The following MYO5B variants were observed in gnomAD, a reference collection of about 807,000 sequenced individuals.
MYO5B encodes unconventional myosin-Vb.
A neutral mutation model predicts 229.3 loss-of-function variants in MYO5B; 143 were observed. The observed-to-expected ratio is 0.62, with a 90% CI of 0.54 to 0.72. The LOEUF is 0.72. MYO5B is among the 30% of genes least tolerant of loss of function. The pLI is 0.00. For missense variants in MYO5B, 2,321 were observed against 2,331.0 expected (o/e 1.00, Z 0.09); for synonymous variants, 918 against 885.2 (o/e 1.04, Z -0.66).
intron 1 of MYO5B, among the ~76,000 whole-genome samples, chr18:50,177,512 C>T (rs1462007494): frequency 6.6e-6 from 1 of 152,244 alleles, no homozygotes; most frequent in African/African-American, 2.4e-5. Context: ...AACAAAACTT[C>T]AGCCCTATCC....
intron 12 of MYO5B, among the ~76,000 whole-genome samples, chr18:49,955,776 T>C (rs1163119173): frequency 1.3e-5 from 2 of 152,224 alleles, no homozygotes; most frequent in Admixed American, 6.5e-5. Flanking sequence ...TTTCCATATA[T>C]ACTGTTTTAT....
At chr18:49,977,260 G>A (rs561920549) in intron 9 of MYO5B, among the ~76,000 whole-genome samples, 78 of 152,264 alleles carry the variant, frequency 5.1e-4, no homozygotes, top group African/African-American at 1.8e-3. Context: ...ATTAAAAATA[G>A]CCAATATAAT....
intron 1 of MYO5B, among the ~76,000 whole-genome samples, chr18:50,112,392 AAAGCATCAAC>A (rs2031880942): frequency 6.6e-6 from 1 of 152,172 alleles, no homozygotes; most frequent in African/African-American, 2.4e-5. Flanking sequence ...TCAGAGCAGC[AAAGCATCAAC>A]ACCAAGACGT....
rs1427502326 is a variant in MYO5B at position 50,194,778 on chromosome 18, G to A, written c.16C>T (p.Leu6Phe). ...GCGGCCGCGCTCACCTGGCTGTAGA[G>A]CTCGCCCACCGACATGGCCCGGGCC... is the stretch of plus-strand genomic sequence containing the variant. Reference protein sequence around the residue: MSVGELYSQCTRVWIP... With the variant: MSVGEFYSQCTRVWIP... Residue 6 changes from leucine (L) to phenylalanine (F), a missense_variant, in exon 1 of 40, where the codon CTC becomes TTC. Transcript: ENST00000285039. The A allele has an allele frequency of 1.4e-5, 20 of 1,462,098 alleles. No homozygotes were observed. Among genetic ancestry groups the A allele is most frequent in the Admixed American group, 2.4e-5 (1 of 41,886 alleles). The allele number at this position is 1,462,098 out of a possible 1,614,324, so 90.6% of individuals were successfully genotyped here. A position where few individuals can be genotyped will look rare whatever the true frequency, so the allele number is the denominator to read the frequency against.
At chr18:50,096,730 A>T (rs1286010244) in intron 1 of MYO5B, among the ~76,000 whole-genome samples, 1 of 152,182 alleles carries the variant, frequency 6.6e-6, no homozygotes, top group Non-Finnish European at 1.5e-5. Flanking sequence ...ACTCTTAAAA[A>T]ATCATCATCA....
At chr18:49,939,148 C>CTTTTTTTT (rs11313115) in intron 14 of MYO5B, among the ~76,000 whole-genome samples, 4 of 119,042 alleles carry the variant, frequency 3.4e-5, no homozygotes, top group East Asian at 2.3e-4. Flanking sequence ...TCTTTTTTTT[C>CTTTTTTTT]TTTTTTTTTT....
chr18:50,068,017 G>A (rs559638711), intron 1 of MYO5B, among the ~76,000 whole-genome samples: 9 of 143,380 alleles, frequency 6.3e-5, no homozygotes, highest in African/African-American at 1.0e-4. Flanking sequence ...ATACACACAC[G>A]TACATACATA....
chr18:50,058,302 C>T (rs2030601765), intron 1 of MYO5B, among the ~76,000 whole-genome samples: 1 of 151,894 alleles, frequency 6.6e-6, no homozygotes. Context: ...CCTGTCTCTA[C>T]AAAACTTAAA....
At chr18:50,022,101 C>A (rs1434474850) in intron 4 of MYO5B, among the ~76,000 whole-genome samples, 3 of 151,550 alleles carry the variant, frequency 2.0e-5, no homozygotes, top group Non-Finnish European at 4.4e-5. Flanking sequence ...TCCCTCCCCA[C>A]CATTTTTTTC....
chr18:49,933,986 C>T (rs551616855), intron 16 of MYO5B, among the ~76,000 whole-genome samples: 1 of 152,256 alleles, frequency 6.6e-6, no homozygotes, highest in Admixed American at 6.5e-5. Flanking sequence ...AGCAATTCTC[C>T]CACCTCAGCC....
chr18:49,868,135 T>C (rs75763253), intron 27 of MYO5B, among the ~76,000 whole-genome samples: 3,988 of 152,226 alleles, frequency 0.026, 166 homozygotes, highest in African/African-American at 0.09. Flanking sequence ...TAAATATGCA[T>C]ATAAAAAGCA....
chr18:50,086,243 C>T (rs1276359841), intron 1 of MYO5B, among the ~76,000 whole-genome samples: 5 of 151,976 alleles, frequency 3.3e-5, no homozygotes, highest in African/African-American at 4.8e-5. Context: ...TTCCCTCTTC[C>T]GTTGCCTTTT....
chr18:50,075,652 C>T (rs2031061960), intron 1 of MYO5B, among the ~76,000 whole-genome samples: 1 of 152,202 alleles, frequency 6.6e-6, no homozygotes, highest in Admixed American at 6.5e-5. Context: ...CCAAGACAGA[C>T]TACAGGCTTT....
chr18:49,900,803 G>T (rs1201474153), intron 21 of MYO5B, among the ~76,000 whole-genome samples: 2 of 152,148 alleles, frequency 1.3e-5, no homozygotes, highest in African/African-American at 4.8e-5. Flanking sequence ...CACCCTGCAT[G>T]GACAAAGTAA....
chr18:50,104,265 G>GATATATAT (rs3075606), intron 1 of MYO5B, among the ~76,000 whole-genome samples: 2,801 of 134,430 alleles, frequency 0.021, 46 homozygotes, highest in East Asian at 0.06. Flanking sequence ...ATCTATACAT[G>GATATATAT]ATATATATAT....
intron 37 of MYO5B, 122 bp downstream of exon 37, chr18:49,837,395 G>T: frequency 8.2e-7 from 1 of 1,225,022 alleles, no homozygotes; most frequent in Non-Finnish European, 1.2e-6. Flanking sequence ...GACTGATGGA[G>T]ACAAGGACTG....
chr18:49,971,172 A>G (rs8087263), intron 10 of MYO5B, among the ~76,000 whole-genome samples: 137,353 of 152,194 alleles, frequency 0.9, 63,596 homozygotes, highest in Non-Finnish European at 1. Context: ...AGGATGAAAA[A>G]CTCCTTAGAA....
Position 49,902,337 on chromosome 18 carries a change from T to C in MYO5B, c.2811+257A>G, listed in dbSNP as rs567493609. Among the ~76,000 whole-genome samples, 166 of 152,292 alleles carry C rather than the reference T, an allele frequency of 1.1e-3. 5 individuals carry two copies. The highest frequency in any genetic ancestry group is 0.011 in the Admixed American group (163 of 15,298). On this transcript the variant is annotated intron_variant, in intron 21 of 39. Transcript: ENST00000285039. ...TGGCTCACCCAGGATACTCTTCCCATCCTACAGTTCTTAATTTAATTGCAT... is the reference window on the plus strand; with the variant it reads ...TGGCTCACCCAGGATACTCTTCCCACCCTACAGTTCTTAATTTAATTGCAT...
intron 1 of MYO5B, among the ~76,000 whole-genome samples, chr18:50,073,465 C>G (rs2031006441): frequency 6.6e-6 from 1 of 152,162 alleles, no homozygotes; most frequent in Non-Finnish European, 1.5e-5. Flanking sequence ...CCTGGCCTTC[C>G]TCCTTCCACT....
Sources: allele counts gnomAD v4.1 joint callset (sites outside exome capture counted in the v4.1 genomes callset), GRCh38; gene constraint gnomAD v4.1.1; transcripts MANE v1.5; gene names NCBI Gene and HGNC (gene_info 2026-07-23, HGNC 2026-07-21).